The following CHST15 variants were observed in gnomAD, a reference collection of about 807,000 sequenced individuals.
CHST15 encodes the protein carbohydrate sulfotransferase 15.
CHST15 carries 30 observed loss-of-function variants against 53.6 expected under a neutral mutation model. The observed-to-expected ratio is 0.56, with a 90% CI of 0.42 to 0.76. The LOEUF is 0.76. Ranked by LOEUF, CHST15 falls within the 30% of genes least tolerant of loss-of-function variation. The pLI is 0.00. For synonymous variants in CHST15, 296 were observed against 289.8 expected (o/e 1.02, Z -0.22); for missense variants, 627 against 740.5 (o/e 0.85, Z 1.78).
At chr10:124,022,261 CAG>C (rs745492336) in intron 5 of CHST15, among the ~76,000 whole-genome samples, 1 of 152,240 alleles carries the variant, frequency 6.6e-6, no homozygotes, top group Non-Finnish European at 1.5e-5. Context: ...CAGGCCAGAA[CAG>C]AGTCATCTGT....
intron 1 of CHST15, among the ~76,000 whole-genome samples, chr10:124,067,167 T>C (rs1460336212): frequency 6.6e-6 from 1 of 152,216 alleles, no homozygotes; most frequent in Non-Finnish European, 1.5e-5. Flanking sequence ...AAAATCTCTT[T>C]GGGGATCACA....
intron 1 of CHST15, among the ~76,000 whole-genome samples, chr10:124,062,580 C>T (rs1948615874): frequency 6.6e-6 from 1 of 152,130 alleles, no homozygotes; most frequent in Non-Finnish European, 1.5e-5. Context: ...CCCATAGTGC[C>T]TGCCAACTCC....
intron 3 of CHST15, among the ~76,000 whole-genome samples, chr10:124,043,946 C>T (rs1236974706): frequency 7.1e-6 from 1 of 140,930 alleles, no homozygotes; most frequent in Non-Finnish European, 1.5e-5. Context: ...AGCAGGGGAA[C>T]AGCACAGAGC....
chr10:124,066,456 G>GA (rs1195656839), intron 1 of CHST15, among the ~76,000 whole-genome samples: 2 of 133,184 alleles, frequency 1.5e-5, no homozygotes, highest in East Asian at 4.1e-4. Context: ...CTGGCTGGGG[G>GA]AAAGAAAAAA....
At chr10:124,040,060 C>T (rs1192225924) in intron 4 of CHST15, among the ~76,000 whole-genome samples, 3 of 151,996 alleles carry the variant, frequency 2.0e-5, no homozygotes, top group African/African-American at 4.8e-5. Flanking sequence ...ACAGAAAAAA[C>T]GAGTCAATCA....
chr10:124,028,842 C>G (rs1273662504), intron 5 of CHST15, among the ~76,000 whole-genome samples: 1 of 152,190 alleles, frequency 6.6e-6, no homozygotes, highest in Non-Finnish European at 1.5e-5. Context: ...GAGCAGGTGA[C>G]CATCCCTGGG....
intron 1 of CHST15, among the ~76,000 whole-genome samples, chr10:124,054,551 G>T (rs1461493794): frequency 1.3e-5 from 2 of 152,156 alleles, no homozygotes; most frequent in Admixed American, 1.3e-4. Context: ...TTCTCAACTT[G>T]GTAGAAAGAT....
At chr10:124,082,677 A>G (rs61863983) in intron 1 of CHST15, among the ~76,000 whole-genome samples, 1,900 of 152,346 alleles carry the variant, frequency 0.012, 11 homozygotes, top group Non-Finnish European at 0.018. Context: ...AATGTCTATC[A>G]ATGGACAAAT....
At chr10:124,037,496 G>A (rs1481549308) in intron 5 of CHST15, among the ~76,000 whole-genome samples, 7 of 152,170 alleles carry the variant, frequency 4.6e-5, no homozygotes, top group African/African-American at 1.2e-4. Context: ...CATCTTGCGC[G>A]GAGAATTCCC....
At chr10:124,069,853 A>T (rs552209285) in intron 1 of CHST15, among the ~76,000 whole-genome samples, 2 of 152,250 alleles carry the variant, frequency 1.3e-5, no homozygotes, top group South Asian at 4.2e-4. Context: ...ACCAAACCAG[A>T]TTTATCCATT....
chr10:124,086,689 A>T (rs1243963929), intron 1 of CHST15, among the ~76,000 whole-genome samples: 3 of 147,820 alleles, frequency 2.0e-5, no homozygotes, highest in African/African-American at 7.7e-5. Context: ...CTCCTCCTCT[A>T]TCTCTCCATA....
intron 1 of CHST15, among the ~76,000 whole-genome samples, chr10:124,076,119 G>A (rs1031632087): frequency 1.3e-5 from 2 of 152,158 alleles, no homozygotes; most frequent in Admixed American, 6.5e-5. Context: ...ACAGAGTCAC[G>A]ACAGACACAC....
At chr10:124,072,552 T>C (rs7914497) in intron 1 of CHST15, among the ~76,000 whole-genome samples, 9,535 of 152,094 alleles carry the variant, frequency 0.063, 971 homozygotes, top group African/African-American at 0.22. Flanking sequence ...TAAAAACCTT[T>C]CTTGACTGAG....
chr10:124,045,112 CA>C (rs758243657), intron 2 of CHST15, among the ~76,000 whole-genome samples, 193 bp from the exon 3 acceptor site: 476 of 33,748 alleles, frequency 0.014, no homozygotes, highest in Middle Eastern at 0.026. Context: ...CGCCGCCCCA[CA>C]AAAAAAAAAA....
chr10:124,076,900 A>G (rs754086674), intron 1 of CHST15, among the ~76,000 whole-genome samples: 25 of 151,880 alleles, frequency 1.6e-4, no homozygotes, highest in Non-Finnish European at 2.9e-4. Flanking sequence ...TAGTAGAGAC[A>G]GGGTTTCACC....
rs1469923188 is a variant in CHST15 at position 124,009,302 on chromosome 10, T to C, written c.*847A>G. The C allele has an allele frequency of 9.1e-7, 1 of 1,093,180 alleles. No homozygotes were observed. Among genetic ancestry groups the C allele is most frequent in the Non-Finnish European group, 1.1e-6 (1 of 888,794 alleles). The allele number at this position is 1,093,180 out of a possible 1,614,324, so 67.7% of individuals were successfully genotyped here. On this transcript the variant is annotated 3_prime_UTR_variant, in exon 8 of 8. Coordinates refer to ENST00000435907, the MANE Select transcript of CHST15 (RefSeq NM_001270764.2). Reference sequence around the variant, plus strand: ...TCTTCCAATTATAAACTGAAGTTCTTGAGAAAACGTATGAAGAGGCAGCAG... The same window carrying C: ...TCTTCCAATTATAAACTGAAGTTCTCGAGAAAACGTATGAAGAGGCAGCAG...
chr10:124,037,365 T>C (rs1947536182), intron 5 of CHST15, among the ~76,000 whole-genome samples: 1 of 152,146 alleles, frequency 6.6e-6, no homozygotes, highest in Non-Finnish European at 1.5e-5. Flanking sequence ...TCTCCTGTTT[T>C]GGAAGGATTA....
At chr10:124,075,209 T>C (rs1342719648) in intron 1 of CHST15, among the ~76,000 whole-genome samples, 1 of 152,184 alleles carries the variant, frequency 6.6e-6, no homozygotes, top group African/African-American at 2.4e-5. Flanking sequence ...ATTTGCTGAA[T>C]AAGTTAAGAA....
chr10:124,078,570 C>T (rs996887932), intron 1 of CHST15, among the ~76,000 whole-genome samples: 1 of 152,184 alleles, frequency 6.6e-6, no homozygotes, highest in African/African-American at 2.4e-5. Context: ...CCTCTGTGCA[C>T]CCATCAGAGA....
Sources: gnomAD v4.1 joint callset for allele counts (sites outside exome capture counted in the v4.1 genomes callset) on GRCh38, gnomAD v4.1.1 for gene constraint, MANE v1.5 for transcripts, NCBI Gene and HGNC (gene_info 2026-07-23, HGNC 2026-07-21) for gene names.